LTBR: variants seen among roughly 807,000 people sequenced by gnomAD.
LTBR encodes the protein tumor necrosis factor receptor superfamily member 3.
Under a neutral mutation model 45.4 loss-of-function variants are expected in LTBR, and 15 were observed. That is an observed-to-expected ratio of 0.33 (90% CI 0.22 to 0.51). LTBR has a LOEUF of 0.51. LTBR is among the 20% of genes least tolerant of loss of function. The pLI is 0.97. For missense variants in LTBR, 450 were observed against 565.5 expected (o/e 0.80, Z 2.07); for synonymous variants, 228 against 231.0 (o/e 0.99, Z 0.12).
In LTBR at chr12:6,390,656, A is replaced by G. The variant is rs1165806062; in HGVS notation, c.1031-4A>G. 2 of 1,500,002 alleles carry G rather than the reference A, an allele frequency of 1.3e-6. No homozygotes were observed. Among genetic ancestry groups the G allele is most frequent in the South Asian group, 1.4e-5 (1 of 69,756 alleles). The allele number at this position is 1,500,002 out of a possible 1,614,324, so 92.9% of individuals were successfully genotyped here. A position where few individuals can be genotyped will look rare whatever the true frequency, so the allele number is the denominator to read the frequency against. On this transcript the variant is annotated splice_polypyrimidine_tract_variant and splice_region_variant and intron_variant, in intron 9 of 9. Coordinates refer to ENST00000228918, the MANE Select transcript of LTBR (RefSeq NM_002342.3). Reference sequence around the variant, plus strand: ...TCCTCAACACTCTGCCTCCCTTCCTACAGGTACCAATGGCATTCATGTCAC... The same window carrying G: ...TCCTCAACACTCTGCCTCCCTTCCTGCAGGTACCAATGGCATTCATGTCAC...
chr12:6,380,463 C>T (rs997528658), upstream of LTBR, among the ~76,000 whole-genome samples: 2 of 152,222 alleles, frequency 1.3e-5, no homozygotes, highest in East Asian at 1.9e-4. Flanking sequence ...GGCGAAATGA[C>T]TTGAGACCAG....
chr12:6,388,177 G>A lies in LTBR; in HGVS notation c.668-221G>A. 1 of 526,780 alleles carries A rather than the reference G, an allele frequency of 1.9e-6. No homozygotes were observed. Among genetic ancestry groups the A allele is most frequent in the South Asian group, 2.1e-5 (1 of 48,328 alleles). 32.6% of individuals were successfully genotyped at this position (526,780 alleles called of 1,614,324 possible). A position where few individuals can be genotyped will look rare whatever the true frequency, so the allele number is the denominator to read the frequency against. The stretch of plus-strand genomic sequence containing the variant: ...GCCCATCCATGATACAGTCTCTCCT[G>A]GCTGCCAAGAGGTCCTCAAGTCCAA... On this transcript the variant is annotated intron_variant, in intron 6 of 9. Coordinates refer to ENST00000228918, the MANE Select transcript of LTBR (RefSeq NM_002342.3). The surrounding 1 kb of genome is among the most constrained non-coding windows in gnomAD (Gnocchi z 4.3).
rs775607720 is a variant in LTBR at position 6,385,180 on chromosome 12, TC to T, written c.319+37del. 7 of 1,613,926 alleles carry T rather than the reference TC, an allele frequency of 4.3e-6. No homozygotes were observed. In the African/African-American group the frequency reaches 9.3e-5, roughly 22 times the overall value. ...GGGATGTGCCTGCGGGGGGGCTGGA[TC>T]CCCTGGAGCTTGGCCCCTCCCTGAG... On this transcript the variant is annotated intron_variant, in intron 3 of 9. Coordinates refer to ENST00000228918, the MANE Select transcript of LTBR (RefSeq NM_002342.3).
chr12:6,388,233 A>C lies in LTBR; in HGVS notation c.668-165A>C. 2 of 587,390 alleles carry C rather than the reference A, an allele frequency of 3.4e-6. No homozygotes were observed. The highest frequency in any genetic ancestry group is 5.8e-5 in the East Asian group (2 of 34,404). The allele number at this position is 587,390 out of a possible 1,614,324, so 36.4% of individuals were successfully genotyped here. ...TTCCCCTTCTCTATAACCCAAGGGA[A>C]GTTTCTCTCATTCTGCCTTTAGGAG... On this transcript the variant is annotated intron_variant, in intron 6 of 9. Coordinates refer to ENST00000228918, the MANE Select transcript of LTBR (RefSeq NM_002342.3). The surrounding 1 kb of genome is among the most constrained non-coding windows in gnomAD (Gnocchi z 4.3).
At position 6,391,546 on chromosome 12, in the gene LTBR, A is replaced by G. The variant is rs1949113690; in HGVS notation, c.*609A>G. 6.6e-6 allele frequency: 1 copy of G among 152,230 alleles called. No homozygotes were observed. The highest frequency in any genetic ancestry group is 2.4e-5 in the African/African-American group (1 of 41,452). The allele number at this position is 152,230 out of a possible 1,614,324, so 9.4% of individuals were successfully genotyped here. A position where few individuals can be genotyped will look rare whatever the true frequency, so the allele number is the denominator to read the frequency against. On this transcript the variant is annotated 3_prime_UTR_variant, in exon 10 of 10. Coordinates refer to ENST00000228918, the MANE Select transcript of LTBR (RefSeq NM_002342.3). Reference sequence around the variant, plus strand: ...GTGTATTTATATTGTAACCACATGCAAATAAAAAGAATGGGACCTAGATAA... The same window carrying G: ...GTGTATTTATATTGTAACCACATGCGAATAAAAAGAATGGGACCTAGATAA...
chr12:6,383,753 G>A (rs1949006289), upstream of LTBR, among the ~76,000 whole-genome samples: 1 of 152,190 alleles, frequency 6.6e-6, no homozygotes, highest in African/African-American at 2.4e-5. Context: ...TCTGCCAGCC[G>A]GTTCTCCTCG....
At chr12:6,379,969 A>G (rs529473798), upstream of LTBR, among the ~76,000 whole-genome samples, 7 of 151,528 alleles carry the variant, frequency 4.6e-5, no homozygotes, top group Admixed American at 4.6e-4. Context: ...ACAAAAAAAG[A>G]AGTTCACTAC....
chr12:6,389,626 A>AC (rs1163687219), intron 8 of LTBR: 1 of 156,242 alleles, frequency 6.4e-6, no homozygotes, highest in Non-Finnish European at 1.4e-5. Context: ...ACATGGCAAA[A>AC]CCCCATCTCT....
chr12:6,383,464 A>C (rs1047075614), upstream of LTBR, among the ~76,000 whole-genome samples: 4 of 152,094 alleles, frequency 2.6e-5, no homozygotes, highest in Non-Finnish European at 4.4e-5. Flanking sequence ...TTCATGGGCA[A>C]AGAAGCCAGA....
At chr12:6,383,240 A>T (rs929050517), upstream of LTBR, among the ~76,000 whole-genome samples, 1 of 151,880 alleles carries the variant, frequency 6.6e-6, no homozygotes, top group African/African-American at 2.4e-5. Context: ...CCAGAGAACC[A>T]CGTGTAAAAG....
At position 6,386,098 on chromosome 12, in the gene LTBR, C is replaced by T; in HGVS notation, c.505C>T (p.Pro169Ser). 6.2e-7 allele frequency: 1 copy of T among 1,613,976 alleles called. No homozygotes were observed. Among genetic ancestry groups the T allele is most frequent in the African/African-American group, 1.3e-5 (1 of 74,998 alleles). Residue 169 changes from proline (P) to serine (S), a missense_variant, in exon 5 of 10, where the codon CCC (proline) becomes TCC (serine). Transcript: ENST00000228918. The surrounding 1 kb of genome is among the most constrained non-coding windows in gnomAD (Gnocchi z 4.1). The part of the protein sequence containing the change: ...EVGKGNNHCV[P>S]CKAGHFQNTS... ...TGGGAAGGGTAACAACCACTGCGTC[C>T]CCTGCAAGGCCGGGCACTTCCAGAA...
Position 6,390,323 on chromosome 12 carries a change from A to C in LTBR, c.1013A>C (p.Gln338Pro). The change falls in exon 9 of 10, where the codon CAG (glutamine) becomes CCG (proline). Residue 338 changes from glutamine to proline, a missense_variant. Physicochemically the swap from Gln to Pro is moderately conservative, Grantham distance 76. Coordinates refer to ENST00000228918, the MANE Select transcript of LTBR (RefSeq NM_002342.3). ...GAGCCGCAGTTGGAACCCGGGGAGC[A>C]GAGCCAGGTGGCCCACGGTGAGCCT... ...TREPQLEPGE[Q>P]SQVAHGTNGI... 1 of 1,605,980 alleles carries C rather than the reference A, an allele frequency of 6.2e-7. No homozygotes were observed. The highest frequency in any genetic ancestry group is 2.2e-5 in the East Asian group (1 of 44,610).
Position 6,388,557 on chromosome 12 carries a change from G to T in LTBR, c.775+52G>T. On this transcript the variant is annotated intron_variant, in intron 7 of 9. Transcript: ENST00000228918. This position sits in a 1 kb window ranked among gnomAD's most constrained non-coding sequence, Gnocchi z 4.3. ...GGTTGGCAATGGGAGCCGGAGGGAGGAATATTCAACTTCCCCGGTGCAACC... is the reference window on the plus strand; with the variant it reads ...GGTTGGCAATGGGAGCCGGAGGGAGTAATATTCAACTTCCCCGGTGCAACC... The T allele has an allele frequency of 6.6e-7, 1 of 1,519,014 alleles. No homozygotes were observed. The allele number at this position is 1,519,014 out of a possible 1,614,324, so 94.1% of individuals were successfully genotyped here.
upstream of LTBR, among the ~76,000 whole-genome samples, chr12:6,380,992 A>G (rs11831214): frequency 0.15 from 23,562 of 152,108 alleles, 3,170 homozygotes; most frequent in African/African-American, 0.33. Flanking sequence ...GTCTCCCTTT[A>G]TCCTCCTGGG....
intron 1 of LTBR, chr12:6,377,257 T>C: frequency 6.4e-7 from 1 of 1,551,112 alleles, no homozygotes; most frequent in Non-Finnish European, 8.7e-7. Context: ...CTTACCTTGA[T>C]ACTGCTCATG....
chr12:6,384,133 C>G (rs771374296), upstream of LTBR: 101 of 1,272,184 alleles, frequency 7.9e-5, no homozygotes, highest in Admixed American at 1.2e-4. Context: ...CCAGCGCTCC[C>G]TGTCCCCGCC....
Position 6,384,696 on chromosome 12 carries a change from T to C in LTBR, c.193+12T>C. On this transcript the variant is annotated intron_variant, in intron 2 of 9. Coordinates refer to ENST00000228918, the MANE Select transcript of LTBR (RefSeq NM_002342.3). ...CCGCTGCCCGCCAGGTGAGAGGCAA[T>C]GGCAGGACGAACCTGGGCCTCGGAA... The C allele has an allele frequency of 6.2e-7, 1 of 1,612,962 alleles. No homozygotes were observed. Among genetic ancestry groups the C allele is most frequent in the Non-Finnish European group, 8.5e-7 (1 of 1,178,988 alleles).
upstream of LTBR, among the ~76,000 whole-genome samples, chr12:6,383,059 G>C (rs1292806187): frequency 6.6e-6 from 1 of 152,206 alleles, no homozygotes; most frequent in Non-Finnish European, 1.5e-5. Flanking sequence ...CAGACTTGAA[G>C]ATTCAGCCTG....
At position 6,378,558 on chromosome 12, in the gene LTBR, G is replaced by A. The variant is rs150861767; in HGVS notation, c.39+2964G>A. Among the ~76,000 whole-genome samples, 95 of 99,872 alleles carry A rather than the reference G, an allele frequency of 9.5e-4. 1 individual carries two copies. The highest frequency in any genetic ancestry group is 4.7e-3 in the African/African-American group (91 of 19,288). 65.5% of individuals were successfully genotyped at this position (99,872 alleles called of 152,430 possible). A position where few individuals can be genotyped will look rare whatever the true frequency, so the allele number is the denominator to read the frequency against. On this transcript the variant is annotated intron_variant, in intron 1 of 9. Transcript: ENST00000539925. Reference sequence around the variant, plus strand: ...GAAAGGGCAAGAAGGGGTGGGTAAGGCAACCCAGATGGACAAAGACTTTTT... The same window carrying A: ...GAAAGGGCAAGAAGGGGTGGGTAAGACAACCCAGATGGACAAAGACTTTTT...
Sources: allele counts gnomAD v4.1 joint callset (sites outside exome capture counted in the v4.1 genomes callset), GRCh38; gene constraint gnomAD v4.1.1; non-coding constraint Gnocchi (gnomAD v3.1); transcripts MANE v1.5; gene names NCBI Gene and HGNC (gene_info 2026-07-23, HGNC 2026-07-21).